Variants in CACNA1D observed in about 807,000 individuals in gnomAD.
The protein encoded by CACNA1D is calcium voltage-gated channel subunit alpha1 D.
CACNA1D carries 55 observed loss-of-function variants against 257.1 expected under a neutral mutation model. The observed-to-expected ratio is 0.21, with a 90% CI of 0.17 to 0.27. The LOEUF is 0.27. CACNA1D is among the 10% of genes least tolerant of loss of function. CACNA1D has a pLI of 1.00. For missense variants in CACNA1D, 1,876 were observed against 2,784.0 expected (o/e 0.67, Z 7.34); for synonymous variants, 980 against 1,014.9 (o/e 0.97, Z 0.65).
chr3:53,549,259 G>A (rs892080417), intron 3 of CACNA1D, among the ~76,000 whole-genome samples: 1 of 152,150 alleles, frequency 6.6e-6, no homozygotes, highest in Non-Finnish European at 1.5e-5. Flanking sequence ...CTTTTATGTG[G>A]TCTAATTGCT....
chr3:53,537,901 G>A (rs1356409019), intron 3 of CACNA1D, among the ~76,000 whole-genome samples: 2 of 152,096 alleles, frequency 1.3e-5, no homozygotes, highest in African/African-American at 4.8e-5. Context: ...TTCAAGTTTT[G>A]TTTTATTTTA....
chr3:53,806,174 C>A (rs2095564665), intron 45 of CACNA1D, among the ~76,000 whole-genome samples: 1 of 91,242 alleles, frequency 1.1e-5, no homozygotes, highest in Non-Finnish European at 2.7e-5. Context: ...CTCCCCCTCT[C>A]CTCCCTCCTC....
chr3:53,661,307 C>T (rs1360874856), intron 5 of CACNA1D, among the ~76,000 whole-genome samples: 2 of 151,452 alleles, frequency 1.3e-5, no homozygotes, highest in Non-Finnish European at 2.9e-5. Context: ...TTTGTTGGCA[C>T]TTAGAATGCA....
intron 3 of CACNA1D, among the ~76,000 whole-genome samples, chr3:53,502,055 T>C (rs189079828): frequency 1.7e-4 from 25 of 151,470 alleles, no homozygotes; most frequent in African/African-American, 5.8e-4. Context: ...TTCTTTTCTT[T>C]TTTTTTTTTT....
intron 3 of CACNA1D, among the ~76,000 whole-genome samples, chr3:53,545,373 C>G (rs533740468): frequency 6.6e-6 from 1 of 152,290 alleles, no homozygotes; most frequent in South Asian, 2.1e-4. Flanking sequence ...CCATGGAGCT[C>G]GTGAGAGAGC....
At chr3:53,714,620 C>T (rs769192946) in intron 9 of CACNA1D, among the ~76,000 whole-genome samples, 4 of 152,140 alleles carry the variant, frequency 2.6e-5, no homozygotes, top group Admixed American at 6.5e-5. Context: ...ATAATAGACT[C>T]GTTTGGCTTT....
chr3:53,606,744 C>T (rs1034272256), intron 3 of CACNA1D, among the ~76,000 whole-genome samples: 1 of 152,180 alleles, frequency 6.6e-6, no homozygotes, highest in African/African-American at 2.4e-5. Flanking sequence ...AGTATATACA[C>T]TCTGTAACTA....
At chr3:53,630,790 A>T (rs1317813005) in intron 3 of CACNA1D, among the ~76,000 whole-genome samples, 1 of 152,198 alleles carries the variant, frequency 6.6e-6, no homozygotes, top group Non-Finnish European at 1.5e-5. Flanking sequence ...CCTTGGAGAT[A>T]TGGTTGGTTT....
chr3:53,784,510 T>C lies in CACNA1D; in HGVS notation c.4793-2312T>C, dbSNP rs185210279. On this transcript the variant is annotated intron_variant, in intron 39 of 47. Transcript: ENST00000350061. ...CAGTGTCTCAATGGAGAAGACGAAG[T>C]GACCCTTGAGTTCTCTCCTGCAGAG... Among the ~76,000 whole-genome samples the C allele has an allele frequency of 4.9e-4, 74 of 152,364 alleles. 1 individual carries two copies. The highest frequency in any genetic ancestry group is 4.3e-3 in the Admixed American group (66 of 15,298).
At chr3:53,510,243 T>C (rs754869934) in intron 3 of CACNA1D, among the ~76,000 whole-genome samples, 3 of 152,250 alleles carry the variant, frequency 2.0e-5, no homozygotes, top group Non-Finnish European at 4.4e-5. Flanking sequence ...TCACAGCGTG[T>C]GTGTACGTAT....
In CACNA1D at chr3:53,649,001, A is replaced by G. The variant is rs77662189; in HGVS notation, c.484-1778A>G. The stretch of plus-strand genomic sequence containing the variant: ...TTATATGACCAGTGAAGAGTGGAGA[A>G]TGGGGGCAAAGACTGGGATGCATGG... On this transcript the variant is annotated intron_variant, in intron 3 of 47. Coordinates refer to ENST00000350061, the MANE Select transcript of CACNA1D (RefSeq NM_001128840.3). 1.3e-3 allele frequency among the ~76,000 whole-genome samples: 196 copies of G among 152,314 alleles called. 2 individuals carry two copies. Among genetic ancestry groups the G allele is most frequent in the African/African-American group, 4.6e-3 (192 of 41,566 alleles).
At chr3:53,666,254 T>G in intron 6 of CACNA1D, 85 bp from the exon 7 acceptor site, 4 of 1,297,028 alleles carry the variant, frequency 3.1e-6, no homozygotes, top group Non-Finnish European at 4.5e-6. Context: ...TGTCCCGGGC[T>G]CTGGCAAGGG....
At position 53,774,984 on chromosome 3, in the gene CACNA1D, G is replaced by A. The variant is rs968842549; in HGVS notation, c.4202+306G>A. 6.6e-6 allele frequency among the ~76,000 whole-genome samples: 1 copy of A among 152,168 alleles called. No individual in the cohort carries two copies. The highest frequency in any genetic ancestry group is 1.5e-5 in the Non-Finnish European group (1 of 68,026). On this transcript the variant is annotated intron_variant, in intron 34 of 47. Coordinates refer to ENST00000350061, the MANE Select transcript of CACNA1D (RefSeq NM_001128840.3). This position sits in a 1 kb window ranked among gnomAD's most constrained non-coding sequence, Gnocchi z 4.3. ...TGTAGGATGTACGTTTATGCATGGA[G>A]GCATGCACTTGAACACGACCAGGAA...
intron 8 of CACNA1D, among the ~76,000 whole-genome samples, chr3:53,697,332 T>C (rs1023631063): frequency 3.9e-5 from 6 of 152,180 alleles, no homozygotes; most frequent in Non-Finnish European, 7.3e-5. Flanking sequence ...GTAGGGCTTG[T>C]TTTGTTGGAT....
chr3:53,730,886 G>C, intron 16 of CACNA1D, 191 bp from the exon 17 acceptor site: 1 of 613,148 alleles, frequency 1.6e-6, no homozygotes, highest in Middle Eastern at 4.3e-4. Context: ...GATGGTCTGT[G>C]TAATGAATCC....
chr3:53,725,302 C>T (rs74887469), intron 14 of CACNA1D, among the ~76,000 whole-genome samples: 3,363 of 152,170 alleles, frequency 0.022, 37 homozygotes, highest in Non-Finnish European at 0.03. Context: ...TCCTTTGAAA[C>T]GCTGCGTCCA....
chr3:53,565,739 A>G (rs572602762), intron 3 of CACNA1D, among the ~76,000 whole-genome samples: 1 of 152,364 alleles, frequency 6.6e-6, no homozygotes, highest in South Asian at 2.1e-4. Context: ...ATCTTCTATG[A>G]TTAAGTTGCC....
At chr3:53,796,151 T>A (rs2095506643) in intron 40 of CACNA1D, 1 of 300,966 alleles carries the variant, frequency 3.3e-6, no homozygotes, top group Non-Finnish European at 6.8e-6. Flanking sequence ...ATGGAACTAG[T>A]CTAAAAAGGT....
chr3:53,746,023 T>C (rs1255644183), intron 25 of CACNA1D, 148 bp downstream of exon 25: 2 of 710,626 alleles, frequency 2.8e-6, no homozygotes, highest in Non-Finnish European at 5.1e-6. Flanking sequence ...GTGTTTGTTT[T>C]TCATTGAGGT....
Sources: gnomAD v4.1 joint callset for allele counts (sites outside exome capture counted in the v4.1 genomes callset) on GRCh38, gnomAD v4.1.1 for gene constraint, Gnocchi (gnomAD v3.1) non-coding constraint, MANE v1.5 for transcripts, NCBI Gene and HGNC (gene_info 2026-07-23, HGNC 2026-07-21) for gene names.